The following NQO2 variants were observed in gnomAD, a reference collection of about 807,000 sequenced individuals.
NQO2 encodes the protein N-ribosyldihydronicotinamide:quinone dehydrogenase 2.
Under a neutral mutation model 22.0 loss-of-function variants are expected in NQO2, and 18 were observed. The observed-to-expected ratio is 0.82, with a 90% CI of 0.56 to 1.21. The LOEUF is 1.21. NQO2 is among the 50% of genes most tolerant of loss of function. The pLI is 0.00. For synonymous variants in NQO2, 106 were observed against 110.8 expected, an observed-to-expected ratio of 0.96 and a Z score of 0.28; for missense variants, 267 against 286.9, an observed-to-expected ratio of 0.93 and a Z score of 0.50.
intron 1 of NQO2, among the ~76,000 whole-genome samples, chr6:3,000,901 G>A (rs1319399078): frequency 6.6e-6 from 1 of 151,612 alleles, no homozygotes; most frequent in Admixed American, 6.6e-5. Context: ...GGAGTGCAGT[G>A]GGGCAATCTC....
chr6:3,011,251 A>G (rs573106108), intron 3 of NQO2, among the ~76,000 whole-genome samples: 18 of 152,352 alleles, frequency 1.2e-4, no homozygotes, highest in African/African-American at 4.3e-4. Context: ...GTTAAATTTT[A>G]CAAAGAGATT....
At chr6:3,013,056 C>G (rs929819061) in intron 4 of NQO2, among the ~76,000 whole-genome samples, 3 of 146,478 alleles carry the variant, frequency 2.0e-5, no homozygotes, top group Non-Finnish European at 4.5e-5. Context: ...CCCGGGTTCA[C>G]GCCATTCTCC....
At position 3,006,850 on chromosome 6, in the gene NQO2, C is replaced by T. The variant is rs1756967413; in HGVS notation, c.7+291C>T. The T allele has an allele frequency of 4.5e-6, 2 of 446,244 alleles. No individual in the cohort carries two copies. The highest frequency in any genetic ancestry group is 5.6e-5 in the South Asian group (1 of 17,998). 27.6% of individuals were successfully genotyped at this position (446,244 alleles called of 1,614,324 possible). On this transcript the variant is annotated intron_variant, in intron 2 of 6. Coordinates refer to ENST00000380455, the MANE Select transcript of NQO2 (RefSeq NM_000904.6). The surrounding 1 kb of genome is among the most constrained non-coding windows in gnomAD (Gnocchi z 4.0). ...TCCTCAAAAGTGGGGCCCTGCCTATCCTGTCTTTGCTGTGCCTCCAGGCCC... is the reference window on the plus strand; with the variant it reads ...TCCTCAAAAGTGGGGCCCTGCCTATTCTGTCTTTGCTGTGCCTCCAGGCCC...
chr6:3,015,675 T>C (rs1421595577), intron 5 of NQO2, 32 bp downstream of exon 5: 1 of 1,597,084 alleles, frequency 6.3e-7, no homozygotes, highest in African/African-American at 1.3e-5. Flanking sequence ...TCACTATGGA[T>C]AGTTGGAGGG....
intron 1 of NQO2, among the ~76,000 whole-genome samples, chr6:3,002,741 T>C (rs7741136): frequency 0.78 from 118,039 of 151,220 alleles, 46,199 homozygotes; most frequent in African/African-American, 0.83. Context: ...TCTACCACCA[T>C]CCACTCTTTT....
At chr6:3,002,618 A>G (rs1756772773) in intron 1 of NQO2, among the ~76,000 whole-genome samples, 2 of 151,786 alleles carry the variant, frequency 1.3e-5, no homozygotes, top group South Asian at 2.1e-4. Context: ...CGATCATTCC[A>G]TATTACTCTC....
At chr6:3,004,692 G>A (rs1756878455) in intron 1 of NQO2, 16 of 977,310 alleles carry the variant, frequency 1.6e-5, no homozygotes, top group South Asian at 4.7e-5. Context: ...TGTGCTTTTT[G>A]TTTTGCTGTA....
chr6:3,011,423 A>T (rs539544425), intron 3 of NQO2, among the ~76,000 whole-genome samples: 2 of 152,328 alleles, frequency 1.3e-5, no homozygotes, highest in African/African-American at 4.8e-5. Context: ...AAAAAGAAAA[A>T]GGTATGGAGA....
At chr6:3,004,559 C>T (rs1289820755) in intron 1 of NQO2, 4 of 985,588 alleles carry the variant, frequency 4.1e-6, no homozygotes, top group Middle Eastern at 1.0e-3. Flanking sequence ...ATTCTGCAGA[C>T]CCCAGCCCTG....
At chr6:3,018,126 T>G (rs1030668165) in intron 6 of NQO2, among the ~76,000 whole-genome samples, 3 of 152,228 alleles carry the variant, frequency 2.0e-5, no homozygotes, top group Non-Finnish European at 4.4e-5. Flanking sequence ...AGCTATTGAT[T>G]GCTGAATATT....
chr6:3,000,835 C>T (rs1386078674), intron 1 of NQO2, among the ~76,000 whole-genome samples: 1 of 149,644 alleles, frequency 6.7e-6, no homozygotes, highest in East Asian at 2.0e-4. Context: ...CTGCTCCCGG[C>T]CCTCTTTTTC....
chr6:3,015,097 T>C (rs1561716195), intron 4 of NQO2: 1 of 1,292,482 alleles, frequency 7.7e-7, no homozygotes, highest in Non-Finnish European at 1.0e-6. Context: ...CTTTAGTTGG[T>C]GTCTAAATCC....
In NQO2 at chr6:3,015,132, T is replaced by C. The variant is rs536535530; in HGVS notation, c.304-398T>C. 4 of 1,298,460 alleles carry C rather than the reference T, an allele frequency of 3.1e-6. No homozygotes were observed. The East Asian group carries it at 2.2e-4, about 70-fold the overall frequency. 80.4% of individuals were successfully genotyped at this position (1,298,460 alleles called of 1,614,324 possible). ...CATAGATGCTCAGCACCGAACTCAG[T>C]CTGACTTCCAGATGCTAACAACACA... On this transcript the variant is annotated intron_variant, in intron 4 of 6. Transcript: ENST00000380455.
chr6:3,010,760 C>T (rs897329142), intron 3 of NQO2, among the ~76,000 whole-genome samples: 1 of 152,186 alleles, frequency 6.6e-6, no homozygotes, highest in African/African-American at 2.4e-5. Context: ...CAGCACCACA[C>T]TGTAGGAGGT....
intron 2 of NQO2, among the ~76,000 whole-genome samples, chr6:3,009,064 T>C (rs1161863176): frequency 1.3e-5 from 2 of 152,174 alleles, no homozygotes; most frequent in Non-Finnish European, 2.9e-5. Flanking sequence ...CTGACCAAAA[T>C]TTATTAGGCA....
chr6:3,015,993 G>T (rs1268027118), intron 5 of NQO2, among the ~76,000 whole-genome samples: 1 of 152,156 alleles, frequency 6.6e-6, no homozygotes, highest in Admixed American at 6.5e-5. Flanking sequence ...GCAGAGCCCA[G>T]CCCTGGCCTG....
rs998142427 is a variant in NQO2 at position 3,012,406 on chromosome 6, G to C, written c.173-138G>C. ...TTCTCTTTCCCTAGCTCGGACCCAG[G>C]GTGCAGCTTCTGGTCAGGTTGCAGC... On this transcript the variant is annotated intron_variant, in intron 3 of 6. Coordinates refer to ENST00000380455, the MANE Select transcript of NQO2 (RefSeq NM_000904.6). 8 of 1,466,780 alleles carry C rather than the reference G, an allele frequency of 5.5e-6. No individual in the cohort carries two copies. The African/African-American group carries it at 9.9e-5, about 18-fold the overall frequency. The allele number at this position is 1,466,780 out of a possible 1,614,324, so 90.9% of individuals were successfully genotyped here. A position where few individuals can be genotyped will look rare whatever the true frequency, so the allele number is the denominator to read the frequency against.
intron 2 of NQO2, 32 bp from the exon 3 acceptor site, chr6:3,009,993 T>C: frequency 6.3e-7 from 1 of 1,588,532 alleles, no homozygotes; most frequent in Non-Finnish European, 8.6e-7. Context: ...GAGGTTGTTC[T>C]TCAAGAGGAA....
chr6:3,015,704 C>A (rs1274881948), intron 5 of NQO2, 61 bp downstream of exon 5: 2 of 1,466,640 alleles, frequency 1.4e-6, no homozygotes, highest in Admixed American at 3.5e-5. Flanking sequence ...GAGGATGCGT[C>A]TTCTATCAAG....
Sources: gnomAD v4.1 joint callset for allele counts (sites outside exome capture counted in the v4.1 genomes callset) on GRCh38, gnomAD v4.1.1 for gene constraint, Gnocchi (gnomAD v3.1) non-coding constraint, MANE v1.5 for transcripts, NCBI Gene and HGNC (gene_info 2026-07-23, HGNC 2026-07-21) for gene names.